The following TCOF1 variants were observed in gnomAD, a reference collection of about 807,000 sequenced individuals.
The protein encoded by TCOF1 is treacle ribosome biogenesis factor 1.
A neutral mutation model predicts 149.0 loss-of-function variants in TCOF1; 33 were observed. That is an observed-to-expected ratio of 0.22 (90% CI 0.17 to 0.30). The LOEUF (loss-of-function observed/expected upper bound fraction) is 0.30, where lower values mean the gene tolerates loss of function less well. Ranked by LOEUF, TCOF1 falls within the 10% of genes least tolerant of loss-of-function variation. The pLI is 1.00. For synonymous variants in TCOF1, 789 were observed against 738.8 expected (o/e 1.07, Z -1.10); for missense variants, 1,728 against 1,840.7 (o/e 0.94, Z 1.12).
intron 3 of TCOF1, among the ~76,000 whole-genome samples, chr5:150,366,591 G>T (rs950642951): frequency 5.9e-5 from 9 of 151,666 alleles, no homozygotes; most frequent in Non-Finnish European, 1.2e-4. Context: ...ATGGAGTGAA[G>T]TGCCAGGAAA....
chr5:150,379,749 C>G lies in TCOF1; in HGVS notation c.2859+17C>G, dbSNP rs1348426364. On this transcript the variant is annotated intron_variant, in intron 17 of 26. Transcript: ENST00000643257. ...TCTGCCCAGGTAAGACTTGCCAGGC[C>G]TCTGAGCCACCAACACTCACTCCTC... is the stretch of plus-strand genomic sequence containing the variant. 6.2e-7 allele frequency: 1 copy of G among 1,612,008 alleles called. No homozygotes were observed.
chr5:150,357,949 G>C (rs1581001618), intron 1 of TCOF1, 95 bp downstream of exon 1: 1 of 1,356,316 alleles, frequency 7.4e-7, no homozygotes, highest in African/African-American at 1.5e-5. Flanking sequence ...CCCGGCAGGC[G>C]CCCGGAGCCG....
At chr5:150,359,767 A>G (rs938868511) in intron 1 of TCOF1, among the ~76,000 whole-genome samples, 4 of 152,240 alleles carry the variant, frequency 2.6e-5, no homozygotes, top group African/African-American at 9.6e-5. Context: ...AGGAGCAGAC[A>G]GGTGACAAAT....
At chr5:150,377,700 A>G (rs1267653246) in intron 14 of TCOF1, among the ~76,000 whole-genome samples, 1 of 151,480 alleles carries the variant, frequency 6.6e-6, no homozygotes, top group African/African-American at 2.4e-5. Flanking sequence ...AGCCGCCTCT[A>G]CTCTTTCCCA....
intron 4 of TCOF1, 48 bp downstream of exon 4, chr5:150,367,965 C>T: frequency 2.5e-6 from 4 of 1,600,048 alleles, no homozygotes; most frequent in Non-Finnish European, 3.4e-6. Flanking sequence ...TTTAAGGTGC[C>T]TGGTAGGGGA....
intron 17 of TCOF1, among the ~76,000 whole-genome samples, chr5:150,381,056 G>C (rs904309076): frequency 6.6e-6 from 1 of 152,080 alleles, no homozygotes; most frequent in African/African-American, 2.4e-5. Context: ...AGAGATGGTA[G>C]ATAGTGGTAG....
intron 2 of TCOF1, 81 bp downstream of exon 2, chr5:150,361,292 G>T: frequency 6.5e-7 from 1 of 1,545,622 alleles, no homozygotes; most frequent in Non-Finnish European, 8.9e-7. Context: ...ATACCTATCT[G>T]GTCTAAGATC....
intron 17 of TCOF1, chr5:150,384,002 C>T: frequency 7.2e-7 from 1 of 1,386,862 alleles, no homozygotes. Flanking sequence ...GCCCCAAGCT[C>T]CCAGAAGCTT....
intron 13 of TCOF1, 33 bp downstream of exon 13, chr5:150,376,363 G>C: frequency 1.9e-6 from 3 of 1,614,110 alleles, no homozygotes; most frequent in Non-Finnish European, 2.5e-6. Flanking sequence ...GGGCCTCAGG[G>C]CCGCCCCTAC....
chr5:150,392,202 G>T, intron 21 of TCOF1, 26 bp downstream of exon 21: 1 of 1,610,192 alleles, frequency 6.2e-7, no homozygotes, highest in Non-Finnish European at 8.5e-7. Context: ...GAAAGGCAAG[G>T]GTGGGCCAGG....
intron 17 of TCOF1, chr5:150,384,373 G>A: frequency 3.0e-6 from 3 of 985,600 alleles, no homozygotes; most frequent in Non-Finnish European, 3.6e-6. Flanking sequence ...GAAGTTGAGG[G>A]ACCTGTCCCA....
At position 150,375,587 on chromosome 5, in the gene TCOF1, TCC is replaced by T. The variant is rs113817143; in HGVS notation, c.1704+39_1704+40del. 1.1e-3 allele frequency: 1,757 copies of T among 1,613,074 alleles called. 14 individuals carry two copies. The African/African-American group carries it at 0.014, about 13-fold the overall frequency. ...CCCTTCCTGTAAGGCTCTTTCTTTTTCCCCCCCACTCAGAGTGGAGCTGCCTG... is the reference window on the plus strand; with the variant it reads ...CCCTTCCTGTAAGGCTCTTTCTTTTTCCCCCACTCAGAGTGGAGCTGCCTG... On this transcript the variant is annotated intron_variant, in intron 11 of 26. Transcript: ENST00000643257.
chr5:150,381,976 ACT>A (rs1473331639), intron 17 of TCOF1, among the ~76,000 whole-genome samples: 3 of 152,200 alleles, frequency 2.0e-5, no homozygotes, highest in Admixed American at 2.0e-4. Flanking sequence ...CAGGCGGATC[ACT>A]TGAGGTCAGG....
intron 5 of TCOF1, 140 bp downstream of exon 5, chr5:150,369,042 T>A: frequency 4.4e-6 from 5 of 1,133,246 alleles, no homozygotes; most frequent in Non-Finnish European, 6.4e-6. Flanking sequence ...ATCTTAGGAC[T>A]TTTCTCATCA....
Position 150,379,578 on chromosome 5 carries a change from C to T in TCOF1, c.2705C>T (p.Pro902Leu). ...CACCAGATCAGAGCTGCCTTGGCTCCTGCCAAGGAGTCCCCCAGGAAAGGG... is the reference window on the plus strand; with the variant it reads ...CACCAGATCAGAGCTGCCTTGGCTCTTGCCAAGGAGTCCCCCAGGAAAGGG... Reference protein sequence around the residue: ...KTHQIRAALAPAKESPRKGAA... With the variant: ...KTHQIRAALALAKESPRKGAA... The change falls in exon 17 of 27, where the codon CCT (proline) becomes CTT (leucine). Residue 902 changes from proline (P) to leucine (L), a missense_variant. Around this residue, in one of 2 missense-constraint regions of TCOF1, gnomAD observed 1,696 missense variants for 1,765.4 expected, o/e 0.96. Coordinates refer to ENST00000643257, the MANE Select transcript of TCOF1 (RefSeq NM_001371623.1). 6.2e-7 allele frequency: 1 copy of T among 1,614,186 alleles called. No individual in the cohort carries two copies. Among genetic ancestry groups the T allele is most frequent in the Non-Finnish European group, 8.5e-7 (1 of 1,180,034 alleles).
chr5:150,386,303 G>A (rs752599091), intron 17 of TCOF1, among the ~76,000 whole-genome samples: 13 of 152,138 alleles, frequency 8.5e-5, no homozygotes, highest in Admixed American at 2.6e-4. Flanking sequence ...GCTTCTCTTC[G>A]TCCCCGACAA....
intron 20 of TCOF1, 132 bp downstream of exon 20, chr5:150,391,789 C>G (rs1767499355): frequency 3.4e-6 from 4 of 1,181,230 alleles, no homozygotes; most frequent in Admixed American, 2.0e-5. Flanking sequence ...CCTCAGTGGC[C>G]TAATCTGTAA....
intron 2 of TCOF1, among the ~76,000 whole-genome samples, 199 bp downstream of exon 2, chr5:150,361,410 G>A (rs760767469): frequency 4.6e-5 from 7 of 152,090 alleles, no homozygotes; most frequent in Non-Finnish European, 8.8e-5. Flanking sequence ...GGGACATTGA[G>A]AGCTGTGATC....
At chr5:150,366,133 A>AG (rs59506740) in intron 3 of TCOF1, among the ~76,000 whole-genome samples, 2 of 150,026 alleles carry the variant, frequency 1.3e-5, no homozygotes, top group East Asian at 2.0e-4. Flanking sequence ...AAAAAAAAAA[A>AG]GGAAGAAGAG....
Sources: allele counts gnomAD v4.1 joint callset (sites outside exome capture counted in the v4.1 genomes callset), GRCh38; gene constraint gnomAD v4.1.1; regional missense constraint gnomAD v4.1.1; transcripts MANE v1.5; gene names NCBI Gene and HGNC (gene_info 2026-07-23, HGNC 2026-07-21).